The following FKBP5 variants were observed in gnomAD, a reference collection of about 807,000 sequenced individuals.
FKBP5 encodes peptidyl-prolyl cis-trans isomerase FKBP5.
A neutral mutation model predicts 50.5 loss-of-function variants in FKBP5; 23 were observed. The observed-to-expected ratio is 0.46, with a 90% CI of 0.33 to 0.65. The LOEUF is 0.65. Ranked by LOEUF, FKBP5 falls within the 30% of genes least tolerant of loss-of-function variation. FKBP5 has a pLI of 0.02. For missense variants in FKBP5, 411 were observed against 553.1 expected, an observed-to-expected ratio of 0.74 and a Z score of 2.58; for synonymous variants, 176 against 190.6, an observed-to-expected ratio of 0.92 and a Z score of 0.63.
At position 35,677,838 on chromosome 6, in the gene FKBP5, C is replaced by T. The variant is rs568544281; in HGVS notation, c.-20+10966G>A. On this transcript the variant is annotated intron_variant, in intron 1 of 10. Coordinates refer to ENST00000357266, the MANE Select transcript of FKBP5 (RefSeq NM_004117.4). ...TCTCTCTGTCATCCAGACTGGAGTG[C>T]AGTGGCATGATCATGGCTCATTGCA... Among the ~76,000 whole-genome samples, 4 of 151,424 alleles carry T rather than the reference C, an allele frequency of 2.6e-5. No homozygotes were observed. In the South Asian group the frequency reaches 8.3e-4, roughly 32 times the overall value.
chr6:35,640,056 G>C (rs539460869), intron 2 of FKBP5, among the ~76,000 whole-genome samples: 6 of 152,180 alleles, frequency 3.9e-5, no homozygotes, highest in Non-Finnish European at 8.8e-5. Flanking sequence ...ATTGTTGTAA[G>C]AAACAAAACA....
chr6:35,661,248 C>A lies in FKBP5; in HGVS notation c.-19-18405G>T, dbSNP rs935683309. On this transcript the variant is annotated intron_variant, in intron 1 of 10. Transcript: ENST00000357266. ...AAGTGATCCTCTCATCTCAGCCTCC[C>A]AATGTACTGGGATTACAGGCATGAG... Among the ~76,000 whole-genome samples the A allele has an allele frequency of 3.6e-5, 3 of 82,974 alleles. 1 individual carries two copies. Among genetic ancestry groups the A allele is most frequent in the African/African-American group, 1.1e-4 (3 of 26,676 alleles). 54.4% of individuals were successfully genotyped at this position (82,974 alleles called of 152,430 possible). A position where few individuals can be genotyped will look rare whatever the true frequency, so the allele number is the denominator to read the frequency against.
chr6:35,712,047 A>AC (rs1766424030), intron 2 of FKBP5, among the ~76,000 whole-genome samples: 1 of 150,698 alleles, frequency 6.6e-6, no homozygotes, highest in Non-Finnish European at 1.5e-5. Flanking sequence ...CTAATTAAAA[A>AC]AAAAAAAAAA....
chr6:35,624,441 G>T (rs999198249), intron 3 of FKBP5, among the ~76,000 whole-genome samples: 49 of 151,978 alleles, frequency 3.2e-4, no homozygotes, highest in Non-Finnish European at 3.1e-4. Flanking sequence ...GCTGGAGGTT[G>T]CAGTGAGCTG....
intron 1 of FKBP5, among the ~76,000 whole-genome samples, chr6:35,646,509 A>G (rs923422420): frequency 2.0e-5 from 3 of 152,246 alleles, no homozygotes; most frequent in African/African-American, 7.2e-5. Flanking sequence ...CATTAGGAGT[A>G]TAGGTTTTTG....
intron 7 of FKBP5, 137 bp downstream of exon 7, chr6:35,590,993 T>A: frequency 1.9e-6 from 1 of 535,928 alleles, no homozygotes; most frequent in Non-Finnish European, 3.3e-6. Context: ...TCAGCAGCAG[T>A]GTTGGAGGCA....
At chr6:35,621,422 A>G (rs1763834120) in intron 3 of FKBP5, among the ~76,000 whole-genome samples, 1 of 152,092 alleles carries the variant, frequency 6.6e-6, no homozygotes, top group Non-Finnish European at 1.5e-5. Context: ...CAGGAATTCA[A>G]GCCTGGCCAA....
At chr6:35,580,285 C>A in intron 8 of FKBP5, 64 bp from the exon 9 acceptor site, 1 of 1,369,118 alleles carries the variant, frequency 7.3e-7, no homozygotes, top group Non-Finnish European at 1.0e-6. Context: ...AAAAGCAAAT[C>A]CTCAAAGTGA....
At chr6:35,653,318 T>C (rs1427240206) in intron 1 of FKBP5, among the ~76,000 whole-genome samples, 4 of 152,196 alleles carry the variant, frequency 2.6e-5, no homozygotes, top group African/African-American at 7.2e-5. Flanking sequence ...ATGGCACCAC[T>C]GTACTCCAGC....
chr6:35,641,028 G>C (rs1764471340), intron 2 of FKBP5, among the ~76,000 whole-genome samples: 1 of 152,200 alleles, frequency 6.6e-6, no homozygotes, highest in South Asian at 2.1e-4. Context: ...ACCCAGGCTA[G>C]AATGCAGTGG....
intron 1 of FKBP5, among the ~76,000 whole-genome samples, chr6:35,681,671 T>C (rs1236287637): frequency 1.3e-5 from 2 of 152,200 alleles, no homozygotes; most frequent in African/African-American, 4.8e-5. Flanking sequence ...ATATACTTAT[T>C]CCTCTTGGTA....
At chr6:35,686,603 T>G (rs1765834764) in intron 1 of FKBP5, among the ~76,000 whole-genome samples, 1 of 152,190 alleles carries the variant, frequency 6.6e-6, no homozygotes, top group South Asian at 2.1e-4. Context: ...GAGGATGAAT[T>G]ATTGTTCAAC....
At chr6:35,618,178 T>C (rs1318305958) in intron 5 of FKBP5, among the ~76,000 whole-genome samples, 11 of 152,122 alleles carry the variant, frequency 7.2e-5, no homozygotes, top group Non-Finnish European at 1.2e-4. Flanking sequence ...CTTAAGGTTG[T>C]GAGAAATAAA....
At chr6:35,578,678 G>C (rs891048578) in intron 9 of FKBP5, among the ~76,000 whole-genome samples, 10 of 151,096 alleles carry the variant, frequency 6.6e-5, no homozygotes, top group African/African-American at 2.4e-4. Flanking sequence ...TGAGGCAGGA[G>C]AATCGCTTGA....
intron 1 of FKBP5, among the ~76,000 whole-genome samples, chr6:35,680,062 C>G (rs1765626704): frequency 6.6e-6 from 1 of 151,652 alleles, no homozygotes; most frequent in Admixed American, 6.6e-5. Flanking sequence ...CCAGTTACTT[C>G]AAACATCTTC....
chr6:35,629,370 T>C (rs1211000341), intron 3 of FKBP5, among the ~76,000 whole-genome samples: 3 of 152,224 alleles, frequency 2.0e-5, no homozygotes, highest in Non-Finnish European at 4.4e-5. Context: ...CCTCCCAAAC[T>C]GCTGAGATTA....
At chr6:35,658,666 A>T (rs1765024736) in intron 1 of FKBP5, among the ~76,000 whole-genome samples, 1 of 88,380 alleles carries the variant, frequency 1.1e-5, no homozygotes, top group African/African-American at 3.4e-5. Flanking sequence ...GGTACATGAC[A>T]TTGGTTTTCA....
In FKBP5 at chr6:35,727,167, T is replaced by G. The variant is rs561330306; in HGVS notation, c.-241+1341A>C. On this transcript the variant is annotated intron_variant, in intron 1 of 11. Transcript: ENST00000536438. ...GTGGGAAGGAGGGAGAACAAAGGACTTCAGGACTGTGTCTTAACCTCATGG... is the reference window on the plus strand; with the variant it reads ...GTGGGAAGGAGGGAGAACAAAGGACGTCAGGACTGTGTCTTAACCTCATGG... 2.0e-4 allele frequency among the ~76,000 whole-genome samples: 31 copies of G among 152,312 alleles called. No homozygotes were observed. The South Asian group carries it at 4.6e-3, about 22-fold the overall frequency.
chr6:35,687,331 GGTCAGCT>G, intron 1 of FKBP5, among the ~76,000 whole-genome samples: 1 of 152,144 alleles, frequency 6.6e-6, no homozygotes, highest in East Asian at 1.9e-4. Flanking sequence ...GTCAGGCAGA[GGTCAGCT>G]GGGGGAGAGA....
Sources: allele counts gnomAD v4.1 joint callset (sites outside exome capture counted in the v4.1 genomes callset), GRCh38; gene constraint gnomAD v4.1.1; transcripts MANE v1.5; gene names NCBI Gene and HGNC (gene_info 2026-07-23, HGNC 2026-07-21).